The following LDB2 variants were observed in gnomAD, a reference collection of about 807,000 sequenced individuals.
LDB2 encodes LIM domain binding 2.
Under a neutral mutation model 44.3 loss-of-function variants are expected in LDB2, and 12 were observed. The observed-to-expected ratio is 0.27, with a 90% confidence interval of 0.17 to 0.44. LDB2 has a LOEUF of 0.44. LDB2 is among the 20% of genes least tolerant of loss of function. The probability of loss-of-function intolerance (pLI) is 1.00; values close to 1 mark genes in which losing one functional copy is unlikely to be tolerated. For missense variants in LDB2, 344 were observed against 473.5 expected (o/e 0.73, Z 2.54); for synonymous variants, 164 against 174.8 (o/e 0.94, Z 0.49).
chr4:16,764,006 T>C (rs939029800), intron 1 of LDB2, among the ~76,000 whole-genome samples: 3 of 152,142 alleles, frequency 2.0e-5, no homozygotes, highest in Non-Finnish European at 2.9e-5. Flanking sequence ...AAGATATTCA[T>C]AGAGAATCTA....
intron 1 of LDB2, among the ~76,000 whole-genome samples, chr4:16,889,875 T>A (rs1374341418): frequency 6.6e-6 from 1 of 152,194 alleles, no homozygotes; most frequent in Non-Finnish European, 1.5e-5. Flanking sequence ...TTTAATTGTT[T>A]GAGGAAGGGC....
At chr4:16,835,538 A>G (rs929028902) in intron 1 of LDB2, among the ~76,000 whole-genome samples, 26 of 152,270 alleles carry the variant, frequency 1.7e-4, no homozygotes, top group African/African-American at 6.0e-4. Flanking sequence ...ATGGTTTCTG[A>G]CTATTTTTTA....
intron 1 of LDB2, among the ~76,000 whole-genome samples, chr4:16,819,196 G>C (rs565919061): frequency 1.7e-4 from 26 of 151,802 alleles, no homozygotes; most frequent in Non-Finnish European, 2.8e-4. Context: ...AGGCCACTGG[G>C]CTAGGTGACC....
chr4:16,879,320 C>G (rs1016959400), intron 1 of LDB2, among the ~76,000 whole-genome samples: 2 of 152,174 alleles, frequency 1.3e-5, no homozygotes, highest in Non-Finnish European at 2.9e-5. Flanking sequence ...TATGTGTCAA[C>G]TTGACTGAGC....
intron 2 of LDB2, among the ~76,000 whole-genome samples, chr4:16,661,114 C>T (rs1053762571): frequency 6.6e-6 from 1 of 152,206 alleles, no homozygotes; most frequent in African/African-American, 2.4e-5. Context: ...TCCCTACACT[C>T]ACCCTGTCCC....
chr4:16,639,749 C>T (rs528237745), intron 2 of LDB2, among the ~76,000 whole-genome samples: 25 of 152,292 alleles, frequency 1.6e-4, no homozygotes, highest in African/African-American at 6.0e-4. Flanking sequence ...CGTGAGCCAC[C>T]GTACCCAGAG....
intron 2 of LDB2, among the ~76,000 whole-genome samples, chr4:16,611,863 C>A (rs571580698): frequency 1.3e-5 from 2 of 152,240 alleles, no homozygotes; most frequent in East Asian, 1.9e-4. Flanking sequence ...ATCAAGCAGA[C>A]CTAGTAGGCG....
Position 16,582,059 on chromosome 4 carries a change from G to T in LDB2, c.615+3863C>A, listed in dbSNP as rs2152419742. On this transcript the variant is annotated intron_variant, in intron 5 of 7. Coordinates refer to ENST00000304523, the MANE Select transcript of LDB2 (RefSeq NM_001290.5). The surrounding 1 kb of genome is among the most constrained non-coding windows in gnomAD (Gnocchi z 4.8). The stretch of plus-strand genomic sequence containing the variant: ...GAAGGAAGGAAGGAAGGAAAAGAAA[G>T]TAAGTCCCTGCAAAGCATATAGCAG... Among the ~76,000 whole-genome samples the T allele has an allele frequency of 6.7e-6, 1 of 148,994 alleles. No homozygotes were observed. Among genetic ancestry groups the T allele is most frequent in the Non-Finnish European group, 1.5e-5 (1 of 67,030 alleles).
intron 2 of LDB2, among the ~76,000 whole-genome samples, chr4:16,682,891 C>G (rs979615511): frequency 3.9e-5 from 6 of 152,214 alleles, no homozygotes; most frequent in African/African-American, 1.2e-4. Context: ...TTCTGAGCCC[C>G]CAGTAATACC....
At chr4:16,806,454 G>GA (rs1778809543) in intron 1 of LDB2, among the ~76,000 whole-genome samples, 1 of 152,180 alleles carries the variant, frequency 6.6e-6, no homozygotes, top group African/African-American at 2.4e-5. Context: ...AATGCCCATG[G>GA]GGCTGGTCTG....
intron 2 of LDB2, among the ~76,000 whole-genome samples, chr4:16,696,767 G>A (rs1247715398): frequency 6.6e-6 from 1 of 152,188 alleles, no homozygotes; most frequent in African/African-American, 2.4e-5. Context: ...TCTAAATGCT[G>A]TCACTGTGCT....
At chr4:16,807,408 A>G (rs41535446) in intron 1 of LDB2, among the ~76,000 whole-genome samples, 1,991 of 152,320 alleles carry the variant, frequency 0.013, 58 homozygotes, top group African/African-American at 0.046. Flanking sequence ...ATGGAATACA[A>G]TGAAAAACCT....
chr4:16,735,533 G>A (rs1015193477), intron 2 of LDB2, among the ~76,000 whole-genome samples: 1 of 151,470 alleles, frequency 6.6e-6, no homozygotes, highest in East Asian at 2.0e-4. Flanking sequence ...AATGAATAGA[G>A]TCAATGAATA....
intron 1 of LDB2, among the ~76,000 whole-genome samples, chr4:16,864,820 G>A (rs1304837691): frequency 6.6e-6 from 1 of 152,120 alleles, no homozygotes; most frequent in Non-Finnish European, 1.5e-5. Context: ...AGCTACTTGG[G>A]AGGCTGAGGC....
At chr4:16,588,928 C>A in intron 3 of LDB2, 96 bp from the exon 4 acceptor site, 1 of 1,327,950 alleles carries the variant, frequency 7.5e-7, no homozygotes, top group Non-Finnish European at 1.1e-6. Flanking sequence ...CCCTTTCTGT[C>A]CTTGGGCAGT....
intron 2 of LDB2, among the ~76,000 whole-genome samples, chr4:16,612,969 C>G (rs183372660): frequency 2.4e-4 from 37 of 152,300 alleles, no homozygotes; most frequent in Admixed American, 2.1e-3. Context: ...TACTGGTAAA[C>G]TGAATCCAGC....
chr4:16,846,567 G>A (rs1465536171), intron 1 of LDB2, among the ~76,000 whole-genome samples: 1 of 152,094 alleles, frequency 6.6e-6, no homozygotes, highest in Non-Finnish European at 1.5e-5. Context: ...AGTAGTTTGA[G>A]AGAGTATTTC....
In LDB2 at chr4:16,525,571, CTAAT is replaced by C. The variant is rs1205625030; in HGVS notation, c.616-13471_616-13468del. Among the ~76,000 whole-genome samples the C allele has an allele frequency of 3.3e-5, 5 of 152,174 alleles. No individual in the cohort carries two copies. The East Asian group carries it at 7.7e-4, about 24-fold the overall frequency. The stretch of plus-strand genomic sequence containing the variant: ...AGGTTGTGGTTCAATTATTCATTCA[CTAAT>C]TCATTCATTCAACACCTACTTACTG... On this transcript the variant is annotated intron_variant, in intron 5 of 7. Coordinates refer to ENST00000304523, the MANE Select transcript of LDB2 (RefSeq NM_001290.5).
intron 7 of LDB2, chr4:16,507,274 A>C (rs1719854776): frequency 1.3e-5 from 2 of 152,132 alleles, no homozygotes; most frequent in Non-Finnish European, 2.9e-5. Flanking sequence ...TTTCTAATGC[A>C]GTGGGAATGA....
Sources: gnomAD v4.1 joint callset for allele counts (sites outside exome capture counted in the v4.1 genomes callset) on GRCh38, gnomAD v4.1.1 for gene constraint, Gnocchi (gnomAD v3.1) non-coding constraint, MANE v1.5 for transcripts, NCBI Gene and HGNC (gene_info 2026-07-23, HGNC 2026-07-21) for gene names.